Variants in SLC36A1 observed in about 807,000 individuals in gnomAD.
SLC36A1 encodes the protein proton-coupled amino acid transporter 1.
Under a neutral mutation model 47.5 loss-of-function variants are expected in SLC36A1, and 30 were observed. The ratio of observed to expected loss-of-function variants is 0.63; its 90% CI spans 0.47 to 0.86. The LOEUF (loss-of-function observed/expected upper bound fraction) is 0.86, where lower values mean the gene tolerates loss of function less well. Ranked by LOEUF, SLC36A1 falls within the 40% of genes least tolerant of loss-of-function variation. The pLI is 0.00. For synonymous variants in SLC36A1, 255 were observed against 249.7 expected (o/e 1.02, Z -0.20); for missense variants, 517 against 606.0 (o/e 0.85, Z 1.54).
At chr5:151,385,009 A>AGTGTGTGTGTGTGTGTGTGT in the SLC36A1 span, among the ~76,000 whole-genome samples, 2 of 128,464 alleles carry the variant, frequency 1.6e-5, no homozygotes, top group African/African-American at 7.3e-5. Flanking sequence ...AGAGAGAGAG[A>AGTGTGTGTGTGTGTGTGTGT]GTGTGTGTGT....
intron 10 of SLC36A1, among the ~76,000 whole-genome samples, chr5:151,485,543 T>A (rs1219883483): frequency 1.3e-5 from 2 of 152,202 alleles, no homozygotes; most frequent in African/African-American, 4.8e-5. Flanking sequence ...TCCGCCAGAC[T>A]CCCTGTCTCC....
intron 2 of SLC36A1, among the ~76,000 whole-genome samples, chr5:151,462,236 T>A (rs535299660): frequency 4.6e-5 from 7 of 152,222 alleles, no homozygotes; most frequent in African/African-American, 9.6e-5. Flanking sequence ...CAAATATGAC[T>A]TTTTGATATT....
chr5:151,491,042 G>A lies in SLC36A1; in HGVS notation c.*2788G>A, dbSNP rs165370. ...TGGGCTTTTCCGGCCAGATACTCTTGAGCTCTGTGACCCTGCTCCTGTCAC... is the reference window on the plus strand; with the variant it reads ...TGGGCTTTTCCGGCCAGATACTCTTAAGCTCTGTGACCCTGCTCCTGTCAC... On this transcript the variant is annotated 3_prime_UTR_variant, in exon 11 of 11. Coordinates refer to ENST00000243389, the MANE Select transcript of SLC36A1 (RefSeq NM_078483.4). The A allele has an allele frequency of 0.17, 25,959 of 152,326 alleles. 2,330 individuals are homozygous for A. The highest frequency in any genetic ancestry group is 0.21 in the Non-Finnish European group (14,092 of 68,088). The allele number at this position is 152,326 out of a possible 1,614,324, so 9.4% of individuals were successfully genotyped here.
chr5:151,537,343 G>C, the SLC36A1 span, among the ~76,000 whole-genome samples: 1 of 133,172 alleles, frequency 7.5e-6, no homozygotes, highest in Non-Finnish European at 1.6e-5. Context: ...GAAAAGAAAA[G>C]AAAAGAAAAA....
At chr5:151,402,694 G>A in the SLC36A1 span, among the ~76,000 whole-genome samples, 1 of 152,012 alleles carries the variant, frequency 6.6e-6, no homozygotes, top group East Asian at 1.9e-4. Flanking sequence ...GCTCATTATT[G>A]GTCTGTTCAG....
At chr5:151,546,108 G>A in the SLC36A1 span, 56 of 1,614,140 alleles carry the variant, frequency 3.5e-5, no homozygotes, top group Middle Eastern at 9.9e-4. Context: ...AACCAACAGG[G>A]ATTGATTCAG....
At chr5:151,365,498 A>G in the SLC36A1 span, among the ~76,000 whole-genome samples, 1 of 152,228 alleles carries the variant, frequency 6.6e-6, no homozygotes, top group Non-Finnish European at 1.5e-5. Context: ...ACTCTTGGTA[A>G]CAAGCTTCTG....
rs181369554 is a variant in SLC36A1 at position 151,490,049 on chromosome 5, G to C, written c.*1795G>C. 1 of 152,312 alleles carries C rather than the reference G, an allele frequency of 6.6e-6. No individual in the cohort carries two copies. The highest frequency in any genetic ancestry group is 2.4e-5 in the African/African-American group (1 of 41,548). The allele number at this position is 152,312 out of a possible 1,614,324, so 9.4% of individuals were successfully genotyped here. ...CAAAGCCAGGAGAGCTGACTTCCAG[G>C]TGAAGGGATGGGAAAAGTGGACTCT... On this transcript the variant is annotated 3_prime_UTR_variant, in exon 11 of 11. Transcript: ENST00000243389.
At chr5:151,468,266 A>ATATATAT (rs1554113502) in intron 7 of SLC36A1, among the ~76,000 whole-genome samples, 2 of 63,830 alleles carry the variant, frequency 3.1e-5, no homozygotes, top group African/African-American at 1.8e-4. Context: ...AAAAAAAAAA[A>ATATATAT]ATATATATAT....
chr5:151,433,107 T>A, upstream of SLC36A1, among the ~76,000 whole-genome samples: 1 of 150,386 alleles, frequency 6.6e-6, no homozygotes, highest in Non-Finnish European at 1.5e-5. Flanking sequence ...ATTCTGGGAT[T>A]CCAGTTTATA....
At chr5:151,372,695 A>C in the SLC36A1 span, among the ~76,000 whole-genome samples, 1 of 152,074 alleles carries the variant, frequency 6.6e-6, no homozygotes, top group Admixed American at 6.6e-5. Context: ...CAGTCCTTCT[A>C]CCTTGGCCTC....
At chr5:151,523,762 G>A in the SLC36A1 span, among the ~76,000 whole-genome samples, 1 of 152,094 alleles carries the variant, frequency 6.6e-6, no homozygotes, top group African/African-American at 2.4e-5. Context: ...CCAATTCCCA[G>A]CTACCCACTG....
At chr5:151,347,521 CAGGA>C in the SLC36A1 span, 3 of 1,597,840 alleles carry the variant, frequency 1.9e-6, no homozygotes, top group Non-Finnish European at 2.6e-6. Flanking sequence ...AGGAGGGAAG[CAGGA>C]AGGTGTCTAG....
chr5:151,358,968 G>A, the SLC36A1 span, among the ~76,000 whole-genome samples: 1 of 122,974 alleles, frequency 8.1e-6, no homozygotes, highest in Non-Finnish European at 1.6e-5. Flanking sequence ...GCGACAGAGC[G>A]AGACTCCGTC....
At chr5:151,419,301 G>C in the SLC36A1 span, among the ~76,000 whole-genome samples, 202 of 152,254 alleles carry the variant, frequency 1.3e-3, no homozygotes, top group Non-Finnish European at 2.3e-3. Context: ...GTGTACCCCT[G>C]GGAAGGTTGC....
the SLC36A1 span, chr5:151,505,433 G>T: frequency 9.1e-7 from 1 of 1,104,588 alleles, no homozygotes; most frequent in Non-Finnish European, 1.3e-6. Flanking sequence ...CACATTTCAA[G>T]GGACAACAGC....
the SLC36A1 span, among the ~76,000 whole-genome samples, chr5:151,515,108 A>G: frequency 2.0e-5 from 3 of 152,174 alleles, 1 homozygote; most frequent in African/African-American, 7.2e-5. Context: ...AGGGGATTCA[A>G]TGATCTCTGT....
intron 10 of SLC36A1, chr5:151,480,112 A>G: frequency 1.4e-6 from 2 of 1,479,700 alleles, no homozygotes; most frequent in Non-Finnish European, 8.9e-7. Context: ...AAAACTGGTG[A>G]CATTTAGAAA....
rs189763891 is a variant in SLC36A1, at chr5:151,462,399, C to G, written c.144-1154C>G. Among the ~76,000 whole-genome samples, 463 of 151,108 alleles carry G rather than the reference C, an allele frequency of 3.1e-3. 3 individuals carry two copies. Among genetic ancestry groups the G allele is most frequent in the African/African-American group, 0.01 (424 of 41,218 alleles). On this transcript the variant is annotated intron_variant, in intron 2 of 10. Transcript: ENST00000243389. Reference sequence around the variant, plus strand: ...CTTTTTTTTTTGAGACAGTCTTGCTCTGTCACCCAGGCTGGAGTGCAGTGG... The same window carrying G: ...CTTTTTTTTTTGAGACAGTCTTGCTGTGTCACCCAGGCTGGAGTGCAGTGG...
Sources: gnomAD v4.1 joint callset for allele counts (sites outside exome capture counted in the v4.1 genomes callset) on GRCh38, gnomAD v4.1.1 for gene constraint, MANE v1.5 for transcripts, NCBI Gene and HGNC (gene_info 2026-07-23, HGNC 2026-07-21) for gene names.